Variants in LMO7 observed in about 807,000 individuals in gnomAD.
LMO7 encodes the protein LIM domain only protein 7.
Under a neutral mutation model 206.5 loss-of-function variants are expected in LMO7, and 120 were observed. That is an observed-to-expected ratio of 0.58 (90% CI 0.50 to 0.68). The LOEUF (loss-of-function observed/expected upper bound fraction) is 0.68. Among genes scored for constraint, LMO7 ranks in the 30% least tolerant of loss-of-function variants. LMO7 has a pLI of 0.00. For missense variants in LMO7, 1,959 were observed against 1,957.9 expected, an observed-to-expected ratio of 1.00 and a Z score of -0.01; for synonymous variants, 706 against 681.5, an observed-to-expected ratio of 1.04 and a Z score of -0.56.
At chr13:75,647,385 G>A (rs1769380784) in intron 1 of LMO7, among the ~76,000 whole-genome samples, 2 of 152,116 alleles carry the variant, frequency 1.3e-5, no homozygotes, top group Non-Finnish European at 1.5e-5. Flanking sequence ...GTTCTAGACT[G>A]AGCAAGTTTT....
intron 1 of LMO7, among the ~76,000 whole-genome samples, chr13:75,655,091 G>A (rs933160998): frequency 4.6e-5 from 7 of 152,030 alleles, no homozygotes; most frequent in South Asian, 2.1e-4. Flanking sequence ...GGCTGGTCTC[G>A]AACTCCTGAC....
chr13:75,773,568 C>G (rs1161542972), intron 4 of LMO7, among the ~76,000 whole-genome samples: 1 of 152,044 alleles, frequency 6.6e-6, no homozygotes, highest in African/African-American at 2.4e-5. Flanking sequence ...GAAACAGATG[C>G]TAAAGATGTT....
intron 6 of LMO7, 114 bp downstream of exon 6, chr13:75,796,863 A>T: frequency 1.5e-6 from 1 of 671,044 alleles, no homozygotes; most frequent in Non-Finnish European, 2.6e-6. Context: ...GGCAACTCCG[A>T]CTCTCTTTGT....
At chr13:75,628,385 C>T (rs753617082) in intron 2 of LMO7, 3 of 152,186 alleles carry the variant, frequency 2.0e-5, no homozygotes, top group Non-Finnish European at 1.5e-5. Flanking sequence ...ATTTTGGCTT[C>T]CTTTTCCTCT....
intron 3 of LMO7, among the ~76,000 whole-genome samples, chr13:75,731,276 T>A (rs1350615290): frequency 1.3e-5 from 2 of 152,266 alleles, no homozygotes; most frequent in East Asian, 3.9e-4. Context: ...GTCTCTTTGT[T>A]GGTCACTCAG....
chr13:75,818,547 G>C (rs1249100225), intron 12 of LMO7, among the ~76,000 whole-genome samples: 1 of 152,122 alleles, frequency 6.6e-6, no homozygotes, highest in Admixed American at 6.6e-5. Context: ...GGTTTCTGGG[G>C]GGGATTGAAA....
chr13:75,824,452 G>A (rs757457532), intron 15 of LMO7, among the ~76,000 whole-genome samples: 6 of 152,108 alleles, frequency 3.9e-5, no homozygotes, highest in Non-Finnish European at 5.9e-5. Flanking sequence ...TATGACAATT[G>A]TATTCCACAA....
At chr13:75,852,958 A>G in intron 27 of LMO7, 134 bp from the exon 28 acceptor site, 2 of 697,756 alleles carry the variant, frequency 2.9e-6, no homozygotes, top group East Asian at 2.7e-5. Flanking sequence ...ACATCTGTAT[A>G]TGTAACTAGA....
At chr13:75,825,114 T>C (rs1331250900) in intron 15 of LMO7, among the ~76,000 whole-genome samples, 4 of 152,094 alleles carry the variant, frequency 2.6e-5, no homozygotes, top group African/African-American at 9.7e-5. Flanking sequence ...TTTACATATA[T>C]CTAAAAACAG....
Position 75,808,233 on chromosome 13 carries a change from A to C in LMO7, c.1916+34A>C, listed in dbSNP as rs1208068913. 8 of 1,565,822 alleles carry C rather than the reference A, an allele frequency of 5.1e-6. No individual in the cohort carries two copies. In the African/African-American group the frequency reaches 9.5e-5, roughly 19 times the overall value. Reference sequence around the variant, plus strand: ...GTGTTTCTGCAAGGATTTTGCTTGTAATGGATGGTCTTGTGTAACTTTTCT... The same window carrying C: ...GTGTTTCTGCAAGGATTTTGCTTGTCATGGATGGTCTTGTGTAACTTTTCT... On this transcript the variant is annotated intron_variant, in intron 10 of 30. Transcript: ENST00000377534.
chr13:75,696,333 C>T (rs1248507917), intron 1 of LMO7, among the ~76,000 whole-genome samples: 3 of 151,664 alleles, frequency 2.0e-5, no homozygotes, highest in East Asian at 1.9e-4. Flanking sequence ...CCAGCCTGGG[C>T]GACAGAGTGA....
chr13:75,748,134 A>G lies in LMO7; in HGVS notation c.211-12798A>G, dbSNP rs572235631. Among the ~76,000 whole-genome samples the G allele has an allele frequency of 2.0e-5, 3 of 152,234 alleles. No homozygotes were observed. The East Asian group carries it at 5.8e-4, about 29-fold the overall frequency. ...GAAGCTGGAAAAGGTGAGGAACTGG[A>G]TTCTCTCCTAAAAGGTGTAGCAGAA... is the stretch of plus-strand genomic sequence containing the variant. On this transcript the variant is annotated intron_variant, in intron 3 of 30. Coordinates refer to ENST00000377534, the MANE Select transcript of LMO7 (RefSeq NM_001306080.2).
chr13:75,836,305 GT>G (rs2059120820), intron 18 of LMO7, 91 bp from the exon 19 acceptor site: 3 of 693,528 alleles, frequency 4.3e-6, no homozygotes, highest in Non-Finnish European at 4.9e-6. Flanking sequence ...AACTCATCTT[GT>G]TAAAATATAT....
upstream of LMO7, among the ~76,000 whole-genome samples, chr13:75,633,597 A>C (rs1455363037): frequency 1.3e-5 from 2 of 152,148 alleles, no homozygotes; most frequent in Non-Finnish European, 2.9e-5. Flanking sequence ...TTTTTCAATA[A>C]GGCAATGTCA....
intron 1 of LMO7, among the ~76,000 whole-genome samples, chr13:75,695,556 C>T (rs9573618): frequency 2.0e-5 from 3 of 151,908 alleles, no homozygotes; most frequent in Admixed American, 6.6e-5. Flanking sequence ...CGTGTTGGCT[C>T]AGATGGTCTT....
At chr13:75,707,513 C>T (rs559028265) in intron 1 of LMO7, among the ~76,000 whole-genome samples, 4 of 152,054 alleles carry the variant, frequency 2.6e-5, no homozygotes, top group Non-Finnish European at 5.9e-5. Context: ...TTCTACAGAA[C>T]GCCATGAAAC....
intron 2 of LMO7, 77 bp downstream of exon 2, chr13:75,713,329 C>A: frequency 1.0e-6 from 1 of 978,436 alleles, no homozygotes; most frequent in East Asian, 2.6e-5. Flanking sequence ...TGTTTGGCTC[C>A]TCCCATGGCC....
At chr13:75,800,454 T>C (rs2054582086) in intron 6 of LMO7, among the ~76,000 whole-genome samples, 1 of 152,192 alleles carries the variant, frequency 6.6e-6, no homozygotes, top group South Asian at 2.1e-4. Context: ...ATCTCCTTAT[T>C]ATTACTTTGA....
Position 75,793,199 on chromosome 13 carries a change from ACT to A in LMO7, c.318-2199_318-2198del, listed in dbSNP as rs569407835. 9.1e-4 allele frequency among the ~76,000 whole-genome samples: 138 copies of A among 152,090 alleles called. 2 individuals carry two copies. The highest frequency in any genetic ancestry group is 3.4e-3 in the Middle Eastern group (1 of 294). On this transcript the variant is annotated intron_variant, in intron 4 of 30. Coordinates refer to ENST00000377534, the MANE Select transcript of LMO7 (RefSeq NM_001306080.2). Reference sequence around the variant, plus strand: ...CCAAAAAAGGGGCTATATGTTTGCAACTCTGCTGTTTTTTGTTGTCAGTTTCT... The same window carrying A: ...CCAAAAAAGGGGCTATATGTTTGCAACTGCTGTTTTTTGTTGTCAGTTTCT...
Sources: gnomAD v4.1 joint callset for allele counts (sites outside exome capture counted in the v4.1 genomes callset) on GRCh38, gnomAD v4.1.1 for gene constraint, MANE v1.5 for transcripts, NCBI Gene and HGNC (gene_info 2026-07-23, HGNC 2026-07-21) for gene names.